GLP1R: variants seen among roughly 807,000 people sequenced by gnomAD.
The protein encoded by GLP1R is glucagon like peptide 1 receptor.
A neutral mutation model predicts 68.4 loss-of-function variants in GLP1R; 32 were observed. The ratio of observed to expected loss-of-function variants is 0.47; its 90% CI spans 0.35 to 0.63. GLP1R has a LOEUF of 0.63. Ranked by LOEUF, GLP1R falls within the 20% of genes least tolerant of loss-of-function variation. GLP1R has a pLI of 0.00. For missense variants in GLP1R, 502 were observed against 594.9 expected (o/e 0.84, Z 1.62); for synonymous variants, 263 against 244.4 (o/e 1.08, Z -0.71).
chr6:39,057,614 G>A, intron 3 of GLP1R, 35 bp downstream of exon 3: 1 of 1,294,422 alleles, frequency 7.7e-7, no homozygotes. Flanking sequence ...CCTGCCCTGG[G>A]CCAGCAGTGG....
chr6:39,055,648 G>A (rs1195317478), intron 1 of GLP1R, among the ~76,000 whole-genome samples: 1 of 150,760 alleles, frequency 6.6e-6, no homozygotes, highest in Non-Finnish European at 1.5e-5. Context: ...ATGTCCTCAG[G>A]ACTCTTCCTT....
At chr6:39,081,947 A>G (rs955269401) in intron 12 of GLP1R, among the ~76,000 whole-genome samples, 7 of 152,230 alleles carry the variant, frequency 4.6e-5, no homozygotes, top group Admixed American at 1.3e-4. Context: ...GGGATGCTGA[A>G]GGCCCATCCT....
At chr6:39,055,598 T>C (rs1432540851) in intron 1 of GLP1R, among the ~76,000 whole-genome samples, 1 of 152,132 alleles carries the variant, frequency 6.6e-6, no homozygotes, top group Non-Finnish European at 1.5e-5. Context: ...ATTGCACGTG[T>C]GACTTCAGTG....
Position 39,085,961 on chromosome 6 carries a change from T to A in GLP1R, c.1280T>A (p.Ile427Asn), listed in dbSNP as rs201001424. The stretch of plus-strand genomic sequence containing the variant: ...CGCTGGCGGCTTGAGCACTTGCACA[T>A]CCAGAGGGACAGCAGCATGAAGCCC... ...WERWRLEHLH[I>N]QRDSSMKPLK... Residue 427 changes from isoleucine to asparagine, a missense_variant, in exon 13 of 13, where the codon ATC becomes AAC. Coordinates refer to ENST00000373256, the MANE Select transcript of GLP1R (RefSeq NM_002062.5). 1 of 1,613,790 alleles carries A rather than the reference T, an allele frequency of 6.2e-7. No homozygotes were observed. The highest frequency in any genetic ancestry group is 8.5e-7 in the Non-Finnish European group (1 of 1,179,904).
At chr6:39,078,792 G>A (rs573824318) in intron 8 of GLP1R, among the ~76,000 whole-genome samples, 165 bp from the exon 9 acceptor site, 2 of 152,248 alleles carry the variant, frequency 1.3e-5, no homozygotes, top group African/African-American at 4.8e-5. Flanking sequence ...GCTGTGCACT[G>A]GCAGGGCTCT....
In GLP1R at chr6:39,078,939, A is replaced by C; in HGVS notation, c.885-18A>C. Reference sequence around the variant, plus strand: ...TGAGTCCTGCTGGATGCATGTGTGCATCTCTCTCCCTCCCCAGCTGCTGGA... The same window carrying C: ...TGAGTCCTGCTGGATGCATGTGTGCCTCTCTCTCCCTCCCCAGCTGCTGGA... On this transcript the variant is annotated intron_variant, in intron 8 of 12. Coordinates refer to ENST00000373256, the MANE Select transcript of GLP1R (RefSeq NM_002062.5). 1 of 1,609,868 alleles carries C rather than the reference A, an allele frequency of 6.2e-7. No homozygotes were observed. The highest frequency in any genetic ancestry group is 8.5e-7 in the Non-Finnish European group (1 of 1,176,304).
chr6:39,068,803 G>A (rs7341360), intron 5 of GLP1R, among the ~76,000 whole-genome samples: 69,100 of 152,052 alleles, frequency 0.45, 16,383 homozygotes, highest in Non-Finnish European at 0.51. Context: ...TCCTCCCCCA[G>A]AACTGTTCTG....
chr6:39,061,747 GATAAGGA>G (rs1367862310), intron 3 of GLP1R, among the ~76,000 whole-genome samples: 2 of 152,184 alleles, frequency 1.3e-5, no homozygotes, highest in Non-Finnish European at 2.9e-5. Flanking sequence ...CCATTTTACA[GATAAGGA>G]AACTGAGGCC....
At position 39,078,989 on chromosome 6, in the gene GLP1R, G is replaced by C; in HGVS notation, c.917G>C (p.Trp306Ser). 1 of 1,614,064 alleles carries C rather than the reference G, an allele frequency of 6.2e-7. No individual in the cohort carries two copies. Among genetic ancestry groups the C allele is most frequent in the Non-Finnish European group, 8.5e-7 (1 of 1,179,968 alleles). ...ACCAGGAACTCCAACATGAACTACT[G>C]GCTCATTATCCGGCTGCCCATTCTC... ...CWTRNSNMNY[W>S]LIIRLPILFA... Residue 306 changes from tryptophan (W) to serine (S), a missense_variant, in exon 9 of 13, where the codon TGG (tryptophan) becomes TCG (serine). Trp to Ser is a radical substitution (Grantham distance 177). Coordinates refer to ENST00000373256, the MANE Select transcript of GLP1R (RefSeq NM_002062.5).
chr6:39,051,510 G>C (rs768946728), intron 1 of GLP1R, among the ~76,000 whole-genome samples: 7 of 152,138 alleles, frequency 4.6e-5, no homozygotes, highest in Non-Finnish European at 1.0e-4. Flanking sequence ...TTTCCTCCTG[G>C]ACAGGACCCA....
intron 7 of GLP1R, among the ~76,000 whole-genome samples, chr6:39,077,218 A>G (rs945704437): frequency 6.6e-6 from 1 of 152,218 alleles, no homozygotes; most frequent in Non-Finnish European, 1.5e-5. Flanking sequence ...ATACACATAT[A>G]GAAACTTCCT....
At position 39,079,492 on chromosome 6, in the gene GLP1R, A is replaced by T. The variant is rs943527724; in HGVS notation, c.1044-72A>T. 7.2e-7 allele frequency: 1 copy of T among 1,391,116 alleles called. No homozygotes were observed. Among genetic ancestry groups the T allele is most frequent in the South Asian group, 1.4e-5 (1 of 71,452 alleles). 86.2% of individuals were successfully genotyped at this position (1,391,116 alleles called of 1,614,324 possible). ...TATCAGGACTTGGTAGGAAGTGGGG[A>T]GGGTAGAGAAAGGGAAGAAGAGTCC... On this transcript the variant is annotated intron_variant, in intron 10 of 12. Transcript: ENST00000373256. The surrounding 1 kb of genome is among the most constrained non-coding windows in gnomAD (Gnocchi z 4.5).
Position 39,086,012 on chromosome 6 carries a change from G to A in GLP1R, c.1331G>A (p.Ser444Asn). ...CTCAAGTGTCCCACCAGCAGCCTGA[G>A]CAGTGGAGCCACGGCGGGCAGCAGC... ...KPLKCPTSSLSSGATAGSSMY... is the reference protein window; with the variant it reads ...KPLKCPTSSLNSGATAGSSMY... Residue 444 changes from serine to asparagine, a missense_variant, in exon 13 of 13, where the codon AGC (serine) becomes AAC (asparagine). By Grantham distance (46) the Ser-to-Asn change is conservative. Coordinates refer to ENST00000373256, the MANE Select transcript of GLP1R (RefSeq NM_002062.5). This position sits in a 1 kb window ranked among gnomAD's most constrained non-coding sequence, Gnocchi z 4.5. The A allele has an allele frequency of 6.2e-7, 1 of 1,614,088 alleles. No homozygotes were observed. Among genetic ancestry groups the A allele is most frequent in the Non-Finnish European group, 8.5e-7 (1 of 1,179,986 alleles).
intron 11 of GLP1R, among the ~76,000 whole-genome samples, chr6:39,080,322 G>A (rs2150837009): frequency 6.6e-6 from 1 of 152,296 alleles, no homozygotes. Context: ...GCTGGAGTGG[G>A]GAATATTCTC....
In GLP1R at chr6:39,079,243, G is replaced by T; in HGVS notation, c.1043+43G>T. On this transcript the variant is annotated intron_variant, in intron 10 of 12. Transcript: ENST00000373256. The surrounding 1 kb of genome is among the most constrained non-coding windows in gnomAD (Gnocchi z 4.5). The stretch of plus-strand genomic sequence containing the variant: ...GCTTTACTGAGGACCCTCAGCAAGT[G>T]CCCCTTTCCTTCTAGCAGAGAGAGA... The T allele has an allele frequency of 7.5e-7, 1 of 1,325,446 alleles. No individual in the cohort carries two copies. Among genetic ancestry groups the T allele is most frequent in the East Asian group, 2.3e-5 (1 of 43,554 alleles). The allele number at this position is 1,325,446 out of a possible 1,614,324, so 82.1% of individuals were successfully genotyped here.
At chr6:39,084,336 G>C (rs1420573694) in intron 12 of GLP1R, among the ~76,000 whole-genome samples, 2 of 152,196 alleles carry the variant, frequency 1.3e-5, no homozygotes, top group Non-Finnish European at 2.9e-5. Context: ...TGATTACAGG[G>C]GTCACAGCAG....
intron 5 of GLP1R, among the ~76,000 whole-genome samples, chr6:39,066,549 G>A (rs10305462): frequency 0.041 from 6,206 of 152,294 alleles, 205 homozygotes; most frequent in South Asian, 0.12. Context: ...AAAATACCAC[G>A]CAAGCACCAC....
In GLP1R at chr6:39,082,858, G is replaced by A. The variant is rs544699173; in HGVS notation, c.1224+2119G>A. On this transcript the variant is annotated intron_variant, in intron 12 of 12. Coordinates refer to ENST00000373256, the MANE Select transcript of GLP1R (RefSeq NM_002062.5). ...CACCTTGTCATCTTGACCCCCCCACGTCCCCGTTTCTCACTTCTCTATCCT... is the reference window on the plus strand; with the variant it reads ...CACCTTGTCATCTTGACCCCCCCACATCCCCGTTTCTCACTTCTCTATCCT... 1.0e-3 allele frequency among the ~76,000 whole-genome samples: 153 copies of A among 151,902 alleles called. 1 individual carries two copies. The highest frequency in any genetic ancestry group is 3.5e-3 in the African/African-American group (144 of 41,432).
Position 39,086,131 on chromosome 6 carries a change from T to A in GLP1R, c.*58T>A. ...CTGCAGGCCGGGTGGCCAATCCAGG[T>A]GGGAGAGACACTCCCAGGGACAAGG... On this transcript the variant is annotated 3_prime_UTR_variant, in exon 13 of 13. Transcript: ENST00000373256. This position sits in a 1 kb window ranked among gnomAD's most constrained non-coding sequence, Gnocchi z 4.5. The A allele has an allele frequency of 7.1e-7, 1 of 1,407,630 alleles. No homozygotes were observed. Among genetic ancestry groups the A allele is most frequent in the Non-Finnish European group, 9.9e-7 (1 of 1,005,242 alleles). 87.2% of individuals were successfully genotyped at this position (1,407,630 alleles called of 1,614,324 possible). A position where few individuals can be genotyped will look rare whatever the true frequency, so the allele number is the denominator to read the frequency against.
Sources: gnomAD v4.1 joint callset for allele counts (sites outside exome capture counted in the v4.1 genomes callset) on GRCh38, gnomAD v4.1.1 for gene constraint, Gnocchi (gnomAD v3.1) non-coding constraint, MANE v1.5 for transcripts, NCBI Gene and HGNC (gene_info 2026-07-23, HGNC 2026-07-21) for gene names.